Variants in RPS6KC1 observed in about 807,000 individuals in gnomAD.
RPS6KC1 encodes ribosomal protein S6 kinase C1.
RPS6KC1 carries 54 observed loss-of-function variants against 103.8 expected under a neutral mutation model. The observed-to-expected ratio is 0.52, with a 90% CI of 0.42 to 0.65. The LOEUF is 0.65. RPS6KC1 is among the 30% of genes least tolerant of loss of function. RPS6KC1 has a pLI of 0.00. For missense variants in RPS6KC1, 1,151 were observed against 1,253.8 expected, an observed-to-expected ratio of 0.92 and a Z score of 1.24; for synonymous variants, 439 against 438.7, an observed-to-expected ratio of 1.00 and a Z score of -0.01.
the RPS6KC1 span, among the ~76,000 whole-genome samples, chr1:213,545,336 A>C: frequency 6.6e-6 from 1 of 151,478 alleles, no homozygotes. Context: ...GGGCCACTGC[A>C]CTCCAGCCTG....
At chr1:213,422,412 G>C in the RPS6KC1 span, among the ~76,000 whole-genome samples, 1 of 152,122 alleles carries the variant, frequency 6.6e-6, no homozygotes, top group African/African-American at 2.4e-5. Context: ...TGAATATCTG[G>C]TTTGTTTCCA....
chr1:213,504,147 A>G, the RPS6KC1 span, among the ~76,000 whole-genome samples: 3 of 152,224 alleles, frequency 2.0e-5, no homozygotes, highest in Non-Finnish European at 2.9e-5. Flanking sequence ...ATTTCTTTTA[A>G]TAATGTATCT....
At chr1:213,268,089 G>A (rs1489000924) in intron 14 of RPS6KC1, among the ~76,000 whole-genome samples, 1 of 151,910 alleles carries the variant, frequency 6.6e-6, no homozygotes, top group African/African-American at 2.4e-5. Context: ...CAGACCCTAT[G>A]TAGGAAAATA....
the RPS6KC1 span, among the ~76,000 whole-genome samples, chr1:213,591,015 G>A: frequency 8.4e-3 from 1,281 of 152,178 alleles, 17 homozygotes; most frequent in African/African-American, 0.029. Flanking sequence ...CCTCTCCCCT[G>A]CATCCCTTCC....
chr1:213,808,911 C>T, the RPS6KC1 span, among the ~76,000 whole-genome samples: 6 of 152,346 alleles, frequency 3.9e-5, no homozygotes, highest in East Asian at 3.9e-4. Flanking sequence ...TGTTCCTATT[C>T]GGCCATCTTG....
intron 3 of RPS6KC1, among the ~76,000 whole-genome samples, chr1:213,100,812 C>A (rs558227264): frequency 4.0e-5 from 6 of 151,508 alleles, no homozygotes; most frequent in Non-Finnish European, 8.8e-5. Flanking sequence ...ATATGTACCA[C>A]ATTTTCTTTA....
Position 213,144,927 on chromosome 1 carries a change from T to C in RPS6KC1, c.835+15038T>C, listed in dbSNP as rs186306352. Among the ~76,000 whole-genome samples, 642 of 152,020 alleles carry C rather than the reference T, an allele frequency of 4.2e-3. 4 individuals carry two copies. Among genetic ancestry groups the C allele is most frequent in the African/African-American group, 0.015 (606 of 41,486 alleles). On this transcript the variant is annotated intron_variant, in intron 6 of 14. Transcript: ENST00000366960. ...CCATCTCTACTAAAAATACAAAAATTAGCTGGGCATGGTGGTGGGTGCCTG... is the reference window on the plus strand; with the variant it reads ...CCATCTCTACTAAAAATACAAAAATCAGCTGGGCATGGTGGTGGGTGCCTG...
chr1:213,179,240 C>G (rs2092098208), intron 8 of RPS6KC1, among the ~76,000 whole-genome samples: 1 of 151,818 alleles, frequency 6.6e-6, no homozygotes, highest in South Asian at 2.1e-4. Context: ...TATGGGGAAA[C>G]CCCATCTCTA....
chr1:213,387,690 C>A, the RPS6KC1 span, among the ~76,000 whole-genome samples: 1 of 152,202 alleles, frequency 6.6e-6, no homozygotes, highest in East Asian at 1.9e-4. Flanking sequence ...GTGGGGCATA[C>A]ATACACTCCT....
intron 8 of RPS6KC1, among the ~76,000 whole-genome samples, chr1:213,183,557 G>A (rs1573080896): frequency 1.4e-5 from 2 of 143,082 alleles, no homozygotes; most frequent in Non-Finnish European, 3.1e-5. Flanking sequence ...TTCATGGGTT[G>A]AAGAAGAATC....
At chr1:213,795,141 T>C in the RPS6KC1 span, among the ~76,000 whole-genome samples, 2 of 152,212 alleles carry the variant, frequency 1.3e-5, no homozygotes, top group Middle Eastern at 3.2e-3. Flanking sequence ...GTGTGTATGT[T>C]TTAGCTACCA....
the RPS6KC1 span, among the ~76,000 whole-genome samples, chr1:213,749,632 AGAGCACCTCGGG>A: frequency 6.6e-6 from 1 of 152,194 alleles, no homozygotes; most frequent in East Asian, 1.9e-4. Flanking sequence ...CAGGGTGCCA[AGAGCACCTCGGG>A]GAGCACCTCC....
chr1:213,229,251 C>G (rs189364936), intron 8 of RPS6KC1, among the ~76,000 whole-genome samples: 1 of 152,060 alleles, frequency 6.6e-6, no homozygotes, highest in Non-Finnish European at 1.5e-5. Context: ...TCCATCTTCT[C>G]GAACTGGTTT....
the RPS6KC1 span, among the ~76,000 whole-genome samples, chr1:213,374,006 A>G: frequency 4.6e-5 from 7 of 152,184 alleles, no homozygotes; most frequent in Admixed American, 4.6e-4. Context: ...GACTGGTAAT[A>G]TAGGGAATAA....
chr1:213,535,396 G>A, the RPS6KC1 span, among the ~76,000 whole-genome samples: 2 of 152,154 alleles, frequency 1.3e-5, no homozygotes, highest in Non-Finnish European at 2.9e-5. Flanking sequence ...TTTCATTCTT[G>A]GAAAGGAGAA....
the RPS6KC1 span, among the ~76,000 whole-genome samples, chr1:213,852,692 A>G: frequency 6.6e-6 from 1 of 152,226 alleles, no homozygotes; most frequent in African/African-American, 2.4e-5. Context: ...ACGAAGATTC[A>G]TGATAATAAC....
chr1:213,795,523 A>T, the RPS6KC1 span, among the ~76,000 whole-genome samples: 1 of 152,188 alleles, frequency 6.6e-6, no homozygotes, highest in African/African-American at 2.4e-5. Context: ...CAGATTTTTA[A>T]AAAATTATTA....
the RPS6KC1 span, among the ~76,000 whole-genome samples, chr1:213,771,000 G>C: frequency 6.6e-6 from 1 of 152,044 alleles, no homozygotes; most frequent in Admixed American, 6.5e-5. Context: ...CTTAACTCCC[G>C]GCCAGGGGCT....
At chr1:213,485,599 G>A in the RPS6KC1 span, among the ~76,000 whole-genome samples, 1 of 152,132 alleles carries the variant, frequency 6.6e-6, no homozygotes, top group Admixed American at 6.5e-5. Context: ...TCAAGTATTT[G>A]TTGAAAGAAT....
Sources: allele counts gnomAD v4.1 joint callset (sites outside exome capture counted in the v4.1 genomes callset), GRCh38; gene constraint gnomAD v4.1.1; transcripts MANE v1.5; gene names NCBI Gene and HGNC (gene_info 2026-07-23, HGNC 2026-07-21).